Variants in PDE11A observed in about 807,000 individuals in gnomAD.
The protein encoded by PDE11A is dual 3',5'-cyclic-AMP and -GMP phosphodiesterase 11A.
Under a neutral mutation model 100.5 loss-of-function variants are expected in PDE11A, and 100 were observed. The ratio of observed to expected loss-of-function variants is 1.00; its 90% CI spans 0.85 to 1.18. PDE11A has a LOEUF of 1.18. PDE11A is among the 50% of genes most tolerant of loss of function. The pLI, the probability that PDE11A is intolerant of heterozygous loss-of-function variation, is 0.00. For missense variants in PDE11A, 1,141 were observed against 1,152.6 expected (o/e 0.99, Z 0.15); for synonymous variants, 381 against 420.8 (o/e 0.91, Z 1.16).
intron 2 of PDE11A, among the ~76,000 whole-genome samples, chr2:177,914,278 T>A (rs1362623644): frequency 6.6e-6 from 1 of 152,142 alleles, no homozygotes; most frequent in Non-Finnish European, 1.5e-5. Flanking sequence ...ATTTTCACAA[T>A]TCATGAATCT....
intron 2 of PDE11A, among the ~76,000 whole-genome samples, chr2:177,988,172 G>C (rs554620732): frequency 1.3e-5 from 2 of 152,264 alleles, no homozygotes; most frequent in East Asian, 1.9e-4. Flanking sequence ...CTGAGACCAG[G>C]AGTTCAATAA....
intron 1 of PDE11A, among the ~76,000 whole-genome samples, chr2:178,065,503 T>G (rs1381295289): frequency 2.6e-5 from 4 of 152,244 alleles, no homozygotes; most frequent in Non-Finnish European, 5.9e-5. Flanking sequence ...TATCCTCATG[T>G]ACAAAGCAGC....
Position 177,629,325 on chromosome 2 carries a change from A to C in PDE11A, c.*82T>G, listed in dbSNP as rs1377770433. 1.6e-6 allele frequency: 2 copies of C among 1,266,990 alleles called. No homozygotes were observed. Among genetic ancestry groups the C allele is most frequent in the Admixed American group, 1.7e-5 (1 of 59,596 alleles). 78.5% of individuals were successfully genotyped at this position (1,266,990 alleles called of 1,614,324 possible). A position where few individuals can be genotyped will look rare whatever the true frequency, so the allele number is the denominator to read the frequency against. ...TGAGATGTTAGGTCTTTCTGAGCTAAAAGAACAAAAGGATGACATTGCTGG... is the reference window on the plus strand; with the variant it reads ...TGAGATGTTAGGTCTTTCTGAGCTACAAGAACAAAAGGATGACATTGCTGG... On this transcript the variant is annotated 3_prime_UTR_variant, in exon 20 of 20. Coordinates refer to ENST00000286063, the MANE Select transcript of PDE11A (RefSeq NM_016953.4).
At chr2:177,678,278 G>C (rs554726604) in intron 16 of PDE11A, among the ~76,000 whole-genome samples, 1 of 152,274 alleles carries the variant, frequency 6.6e-6, no homozygotes, top group East Asian at 1.9e-4. Flanking sequence ...AGTTTGAGAG[G>C]TTCTAAATGG....
At chr2:177,742,567 G>A (rs2081889085) in intron 10 of PDE11A, among the ~76,000 whole-genome samples, 1 of 152,170 alleles carries the variant, frequency 6.6e-6, no homozygotes, top group African/African-American at 2.4e-5. Flanking sequence ...TATGTGTCAG[G>A]TACATTGCCA....
At chr2:177,669,382 G>T (rs2222711) in intron 18 of PDE11A, 111 bp downstream of exon 18, 506,607 of 706,336 alleles carry the variant, frequency 0.72, 184,545 homozygotes, top group Admixed American at 0.81. Context: ...TTTCAGGAGT[G>T]CTTCCTTAAA....
chr2:178,105,561 C>A, intron 1 of PDE11A: 1 of 323,770 alleles, frequency 3.1e-6, no homozygotes. Flanking sequence ...AATTCTATAA[C>A]TAAATAAATG....
At position 177,623,532 on chromosome 2, in the gene PDE11A, T is replaced by TC. The variant is rs1370640075; in HGVS notation, c.*5874dup. ...TGAAAATAAAATGGCAAAAGCAATT[T>TC]CCCCCCAAGGGAATGAGACTCAACA... On this transcript the variant is annotated 3_prime_UTR_variant, in exon 20 of 20. Transcript: ENST00000286063. 6.6e-6 allele frequency: 1 copy of TC among 152,148 alleles called. No homozygotes were observed. Among genetic ancestry groups the TC allele is most frequent in the African/African-American group, 2.4e-5 (1 of 41,416 alleles). The allele number at this position is 152,148 out of a possible 1,614,324, so 9.4% of individuals were successfully genotyped here. A position where few individuals can be genotyped will look rare whatever the true frequency, so the allele number is the denominator to read the frequency against.
intron 10 of PDE11A, among the ~76,000 whole-genome samples, chr2:177,730,556 T>C (rs544882706): frequency 3.4e-4 from 52 of 152,160 alleles, no homozygotes; most frequent in African/African-American, 1.2e-3. Context: ...TATTTTTTCT[T>C]TTCCTTTTTG....
rs541705040 is a variant in PDE11A at position 177,981,977 on chromosome 2, G to A, written c.1071+32325C>T. Among the ~76,000 whole-genome samples, 125 of 150,994 alleles carry A rather than the reference G, an allele frequency of 8.3e-4. 2 individuals carry two copies. The highest frequency in any genetic ancestry group is 2.9e-3 in the African/African-American group (120 of 41,476). On this transcript the variant is annotated intron_variant, in intron 2 of 19. Coordinates refer to ENST00000286063, the MANE Select transcript of PDE11A (RefSeq NM_016953.4). Reference sequence around the variant, plus strand: ...CATTCTATAGATTCCTGGTCTTGAGGCAAAGAAAACTGGCACAGGCCTTTG... The same window carrying A: ...CATTCTATAGATTCCTGGTCTTGAGACAAAGAAAACTGGCACAGGCCTTTG...
At position 177,671,230 on chromosome 2, in the gene PDE11A, G is replaced by C. The variant is rs530265484; in HGVS notation, c.2488-1663C>G. On this transcript the variant is annotated intron_variant, in intron 17 of 19. Coordinates refer to ENST00000286063, the MANE Select transcript of PDE11A (RefSeq NM_016953.4). ...AAAGAAATTAAAACAAAATTCTGTCGTTGCTCTTTCTCAAGTACTTGTTGG... is the reference window on the plus strand; with the variant it reads ...AAAGAAATTAAAACAAAATTCTGTCCTTGCTCTTTCTCAAGTACTTGTTGG... Among the ~76,000 whole-genome samples, 6 of 151,908 alleles carry C rather than the reference G, an allele frequency of 3.9e-5. No individual in the cohort carries two copies. The South Asian group carries it at 1.0e-3, about 26-fold the overall frequency.
intron 10 of PDE11A, among the ~76,000 whole-genome samples, chr2:177,763,884 C>T (rs898412251): frequency 1.3e-5 from 2 of 152,150 alleles, no homozygotes; most frequent in African/African-American, 4.8e-5. Flanking sequence ...TACTAAAAGG[C>T]ACTCCATGCA....
intron 2 of PDE11A, among the ~76,000 whole-genome samples, chr2:178,092,281 T>TCTC (rs2087432689): frequency 6.6e-6 from 1 of 152,156 alleles, no homozygotes; most frequent in Admixed American, 6.5e-5. Flanking sequence ...TTTCCTTCCT[T>TCTC]CTCCTCCTCC....
intron 2 of PDE11A, among the ~76,000 whole-genome samples, chr2:178,099,346 G>A (rs541590197): frequency 6.7e-6 from 1 of 150,074 alleles, no homozygotes; most frequent in African/African-American, 2.4e-5. Flanking sequence ...GCTGAGGCAG[G>A]AAAATAGCTT....
At chr2:177,664,183 T>C (rs1420045077) in intron 18 of PDE11A, among the ~76,000 whole-genome samples, 1 of 152,226 alleles carries the variant, frequency 6.6e-6, no homozygotes, top group African/African-American at 2.4e-5. Flanking sequence ...AGCGTGCAAC[T>C]TCTTGGGGCA....
intron 9 of PDE11A, among the ~76,000 whole-genome samples, chr2:177,796,871 T>C (rs1048191985): frequency 6.6e-6 from 1 of 152,008 alleles, no homozygotes. Flanking sequence ...CAGCAACTGC[T>C]CCAGAAAAAA....
intron 5 of PDE11A, among the ~76,000 whole-genome samples, chr2:177,863,717 A>C (rs869103961): frequency 6.6e-6 from 1 of 151,696 alleles, no homozygotes; most frequent in African/African-American, 2.4e-5. Context: ...TGTGGAGAAA[A>C]GAGAACTCTT....
chr2:177,940,287 T>C (rs1378986015), intron 2 of PDE11A, among the ~76,000 whole-genome samples: 1 of 152,250 alleles, frequency 6.6e-6, no homozygotes, highest in African/African-American at 2.4e-5. Flanking sequence ...CAATTTGGTT[T>C]TTTCTTCAGA....
upstream of PDE11A, among the ~76,000 whole-genome samples, chr2:178,075,373 GA>G (rs1413548122): frequency 2.0e-5 from 3 of 151,954 alleles, no homozygotes; most frequent in East Asian, 5.8e-4. Context: ...CCAATATGGC[GA>G]AACCCCATCT....
Sources: allele counts gnomAD v4.1 joint callset (sites outside exome capture counted in the v4.1 genomes callset), GRCh38; gene constraint gnomAD v4.1.1; transcripts MANE v1.5; gene names NCBI Gene and HGNC (gene_info 2026-07-23, HGNC 2026-07-21).